The following SOX6 variants were observed in gnomAD, a reference collection of about 807,000 sequenced individuals.
SOX6 encodes the protein SRY-box transcription factor 6.
In SOX6, 11 loss-of-function variants were observed where a neutral mutation model predicts 97.8. The observed-to-expected ratio is 0.11, with a 90% confidence interval of 0.07 to 0.19. The LOEUF (loss-of-function observed/expected upper bound fraction) is 0.19, where lower values mean the gene tolerates loss of function less well. SOX6 is among the 10% of genes least tolerant of loss of function. The pLI, the probability that SOX6 is intolerant of heterozygous loss-of-function variation, is 1.00. For missense variants in SOX6, 810 were observed against 1,039.5 expected (o/e 0.78, Z 3.04); for synonymous variants, 360 against 371.4 (o/e 0.97, Z 0.35).
intron 6 of SOX6, among the ~76,000 whole-genome samples, chr11:16,147,451 T>A (rs1453160317): frequency 6.6e-6 from 1 of 151,938 alleles, no homozygotes; most frequent in Non-Finnish European, 1.5e-5. Flanking sequence ...TGTATACATA[T>A]GTAACAAACC....
chr11:16,251,488 T>C (rs1252431880), intron 3 of SOX6, among the ~76,000 whole-genome samples: 1 of 152,136 alleles, frequency 6.6e-6, no homozygotes, highest in African/African-American at 2.4e-5. Context: ...ATGAAGATTA[T>C]GCTAATAAAT....
At chr11:16,320,586 C>A (rs889252922) in intron 2 of SOX6, among the ~76,000 whole-genome samples, 8 of 152,000 alleles carry the variant, frequency 5.3e-5, no homozygotes, top group African/African-American at 1.9e-4. Context: ...CTGGTAGATA[C>A]TATTTCTTGA....
At position 16,448,002 on chromosome 11, in the gene SOX6, C is replaced by A. The variant is rs1859646783; in HGVS notation, c.-5+28313G>T. Among the ~76,000 whole-genome samples the A allele has an allele frequency of 2.0e-5, 3 of 152,142 alleles. No homozygotes were observed. In the East Asian group the frequency reaches 5.8e-4, roughly 29 times the overall value. On this transcript the variant is annotated intron_variant, in intron 1 of 15. Transcript: ENST00000396356. ...ACAGAAATCTGTACAGTTCTTGTTC[C>A]CTGGCAGTACAGCTGGCAACAGCAC...
chr11:16,589,117 G>T (rs1385378567), intron 4 of SOX6, among the ~76,000 whole-genome samples: 1 of 152,176 alleles, frequency 6.6e-6, no homozygotes, highest in African/African-American at 2.4e-5. Flanking sequence ...CAGGTTTCCA[G>T]TTATGGCTAC....
intron 3 of SOX6, among the ~76,000 whole-genome samples, chr11:16,243,622 A>C (rs1853256767): frequency 6.6e-6 from 1 of 151,952 alleles, no homozygotes. Context: ...TCCCGAAAGA[A>C]GATACAGAAC....
At chr11:15,992,269 T>G (rs1287018506) in intron 13 of SOX6, among the ~76,000 whole-genome samples, 1 of 152,202 alleles carries the variant, frequency 6.6e-6, no homozygotes, top group South Asian at 2.1e-4. Flanking sequence ...AACCAAGATT[T>G]GGGAAGAAGA....
intron 1 of SOX6, among the ~76,000 whole-genome samples, chr11:16,394,818 G>T (rs573569265): frequency 4.0e-4 from 60 of 151,820 alleles, no homozygotes; most frequent in African/African-American, 1.4e-3. Context: ...AGCCACTGGG[G>T]CTGCTCCATG....
chr11:16,078,128 T>C (rs1416170245), intron 9 of SOX6, among the ~76,000 whole-genome samples: 1 of 152,226 alleles, frequency 6.6e-6, no homozygotes, highest in East Asian at 1.9e-4. Flanking sequence ...ATTAGGGCAG[T>C]TGAAAATCAG....
At chr11:16,222,076 T>A (rs1246831201) in intron 4 of SOX6, among the ~76,000 whole-genome samples, 1 of 152,102 alleles carries the variant, frequency 6.6e-6, no homozygotes, top group Non-Finnish European at 1.5e-5. Flanking sequence ...TCAGATTGCC[T>A]TCATACACTT....
chr11:16,216,046 A>G (rs1280480632), intron 4 of SOX6, among the ~76,000 whole-genome samples: 1 of 152,164 alleles, frequency 6.6e-6, no homozygotes, highest in African/African-American at 2.4e-5. Flanking sequence ...TGCTGTCTTG[A>G]ACAAAATTAT....
chr11:16,045,477 A>G (rs925508549), intron 12 of SOX6, among the ~76,000 whole-genome samples: 1 of 152,180 alleles, frequency 6.6e-6, no homozygotes, highest in Admixed American at 6.5e-5. Flanking sequence ...TTTTATATGT[A>G]AATCAGATCA....
At chr11:16,590,089 C>T (rs946003898) in intron 4 of SOX6, among the ~76,000 whole-genome samples, 1 of 152,120 alleles carries the variant, frequency 6.6e-6, no homozygotes, top group African/African-American at 2.4e-5. Flanking sequence ...CTGGAGTCAC[C>T]ATTTACCTAG....
intron 1 of SOX6, among the ~76,000 whole-genome samples, chr11:16,428,044 T>A (rs1273593559): frequency 6.6e-6 from 1 of 152,250 alleles, no homozygotes; most frequent in Non-Finnish European, 1.5e-5. Flanking sequence ...AGATGGTATC[T>A]CATTGTGGTT....
chr11:16,414,699 G>C (rs959314925), intron 1 of SOX6, among the ~76,000 whole-genome samples: 6 of 152,092 alleles, frequency 3.9e-5, no homozygotes, highest in Non-Finnish European at 7.4e-5. Context: ...GATCACAGAG[G>C]CGAGATCACA....
At chr11:16,639,020 C>T (rs1373326976) in intron 3 of SOX6, among the ~76,000 whole-genome samples, 1 of 152,146 alleles carries the variant, frequency 6.6e-6, no homozygotes, top group Non-Finnish European at 1.5e-5. Context: ...ATGGTATTGC[C>T]TACGTTTTCT....
chr11:16,445,807 AG>A (rs1484636637), intron 1 of SOX6, among the ~76,000 whole-genome samples: 1 of 152,176 alleles, frequency 6.6e-6, no homozygotes, highest in Non-Finnish European at 1.5e-5. Context: ...CTTGTATAAA[AG>A]TATGCCCACA....
At chr11:16,021,479 A>C (rs1256712926) in intron 12 of SOX6, among the ~76,000 whole-genome samples, 1 of 152,150 alleles carries the variant, frequency 6.6e-6, no homozygotes, top group Non-Finnish European at 1.5e-5. Context: ...ATGATCAAAA[A>C]TGTAGGCTTT....
At chr11:16,709,559 T>C (rs965371171) in intron 3 of SOX6, among the ~76,000 whole-genome samples, 1 of 151,930 alleles carries the variant, frequency 6.6e-6, no homozygotes, top group Non-Finnish European at 1.5e-5. Flanking sequence ...CTTCTCACCA[T>C]GTGAGAAGTC....
intron 1 of SOX6, among the ~76,000 whole-genome samples, chr11:16,353,532 T>C (rs2134363223): frequency 6.6e-6 from 1 of 152,156 alleles, no homozygotes; most frequent in Admixed American, 6.6e-5. Context: ...CACAAATAAC[T>C]AAAGTGCTGC....
Sources: gnomAD v4.1 joint callset for allele counts (sites outside exome capture counted in the v4.1 genomes callset) on GRCh38, gnomAD v4.1.1 for gene constraint, MANE v1.5 for transcripts, NCBI Gene and HGNC (gene_info 2026-07-23, HGNC 2026-07-21) for gene names.